Variants in BFSP2 observed in about 807,000 individuals in gnomAD.
BFSP2 encodes phakinin.
In BFSP2, 38 loss-of-function variants were observed where a neutral mutation model predicts 44.9. That is an observed-to-expected ratio of 0.85 (90% CI 0.65 to 1.11). BFSP2 has a LOEUF of 1.11. Ranked by LOEUF, BFSP2 falls within the 50% of genes least tolerant of loss-of-function variation. BFSP2 has a pLI of 0.00. For synonymous variants in BFSP2, 197 were observed against 209.9 expected, an observed-to-expected ratio of 0.94 and a Z score of 0.53; for missense variants, 525 against 533.0, an observed-to-expected ratio of 0.99 and a Z score of 0.15.
At chr3:133,462,215 C>T (rs994408299) in intron 4 of BFSP2, among the ~76,000 whole-genome samples, 6 of 151,564 alleles carry the variant, frequency 4.0e-5, no homozygotes, top group Non-Finnish European at 5.9e-5. Flanking sequence ...AGATAACTAA[C>T]CTACAGTTTC....
chr3:133,444,563 G>A (rs1254329231), intron 1 of BFSP2, among the ~76,000 whole-genome samples: 1 of 152,126 alleles, frequency 6.6e-6, no homozygotes, highest in Non-Finnish European at 1.5e-5. Flanking sequence ...GGGGTGGGCT[G>A]TGACTCAGAT....
chr3:133,443,870 T>A (rs920653545), intron 1 of BFSP2, among the ~76,000 whole-genome samples: 1 of 152,152 alleles, frequency 6.6e-6, no homozygotes, highest in African/African-American at 2.4e-5. Context: ...ATTGTACCCT[T>A]GGGCCCAAAT....
At chr3:133,422,264 C>T (rs1320791923) in intron 1 of BFSP2, among the ~76,000 whole-genome samples, 1 of 152,144 alleles carries the variant, frequency 6.6e-6, no homozygotes, top group Non-Finnish European at 1.5e-5. Context: ...GGACAAGTTA[C>T]TCCACCTCTC....
Position 133,472,517 on chromosome 3 carries a change from A to C in BFSP2, c.1196A>C (p.Gln399Pro), listed in dbSNP as rs1270097475. The C allele has an allele frequency of 6.2e-7, 1 of 1,612,932 alleles. No homozygotes were observed. Among genetic ancestry groups the C allele is most frequent in the African/African-American group, 1.3e-5 (1 of 74,924 alleles). The change falls in exon 6 of 7, where the codon CAG becomes CCG. Residue 399 changes from glutamine (Q) to proline (P), a missense_variant. By Grantham distance (76) the Gln-to-Pro change is moderately conservative. Coordinates refer to ENST00000302334, the MANE Select transcript of BFSP2 (RefSeq NM_003571.4). ...AHLLARKCQL[Q>P]KDVASYHALL... ...CTGCTGGCCCGCAAGTGCCAGCTGC[A>C]GAAGGACGTGGCGTCCTACCACGCC...
Position 133,466,615 on chromosome 3 carries a change from T to C in BFSP2, c.892-213T>C, listed in dbSNP as rs148880736. ...GCTTGAACCCAGGAGGAGGAAGTTG[T>C]GGTGAGCTGAGATCGCACCACTGCA... is the stretch of plus-strand genomic sequence containing the variant. On this transcript the variant is annotated intron_variant, in intron 4 of 6. Coordinates refer to ENST00000302334, the MANE Select transcript of BFSP2 (RefSeq NM_003571.4). 3.7e-3 allele frequency among the ~76,000 whole-genome samples: 477 copies of C among 129,904 alleles called. 4 individuals are homozygous for C. The highest frequency in any genetic ancestry group is 0.013 in the African/African-American group (455 of 33,952). The allele number at this position is 129,904 out of a possible 152,430, so 85.2% of individuals were successfully genotyped here.
intron 4 of BFSP2, among the ~76,000 whole-genome samples, chr3:133,466,427 C>T (rs1407589852): frequency 6.6e-6 from 1 of 151,824 alleles, no homozygotes; most frequent in Non-Finnish European, 1.5e-5. Context: ...CGCCTGTAAT[C>T]CTAGCACTTT....
chr3:133,453,429 A>G (rs2107929165), intron 4 of BFSP2, among the ~76,000 whole-genome samples: 1 of 152,368 alleles, frequency 6.6e-6, no homozygotes, highest in African/African-American at 2.4e-5. Flanking sequence ...AGATCCTGAA[A>G]CAAATATTGG....
intron 4 of BFSP2, chr3:133,455,369 G>A (rs2074004437): frequency 6.6e-6 from 1 of 152,200 alleles, no homozygotes; most frequent in Admixed American, 6.5e-5. Flanking sequence ...TCGGGTTCTT[G>A]GCATCGTTCA....
At chr3:133,429,883 C>A (rs1233356138) in intron 1 of BFSP2, among the ~76,000 whole-genome samples, 1 of 151,542 alleles carries the variant, frequency 6.6e-6, no homozygotes, top group African/African-American at 2.4e-5. Flanking sequence ...TTAGGTATAT[C>A]TCCTAATGCT....
intron 4 of BFSP2, among the ~76,000 whole-genome samples, chr3:133,460,624 C>T (rs750147636): frequency 2.6e-5 from 4 of 152,110 alleles, no homozygotes; most frequent in Non-Finnish European, 4.4e-5. Flanking sequence ...CCTTTGTCCC[C>T]GGGGGGCTAA....
At chr3:133,460,520 A>C (rs1170563915) in intron 4 of BFSP2, among the ~76,000 whole-genome samples, 1 of 152,188 alleles carries the variant, frequency 6.6e-6, no homozygotes, top group Non-Finnish European at 1.5e-5. Flanking sequence ...GGCCTCCCAA[A>C]GTGCTGGGAT....
At chr3:133,414,650 CTG>C (rs1188997471) in intron 1 of BFSP2, among the ~76,000 whole-genome samples, 2 of 140,106 alleles carry the variant, frequency 1.4e-5, no homozygotes, top group Non-Finnish European at 3.1e-5. Flanking sequence ...CTACTCACCG[CTG>C]TCTCACTCCC....
rs534254115 is a variant in BFSP2, at chr3:133,441,039, C to CTTTT, written c.490-6262_490-6259dup. 9.4e-5 allele frequency among the ~76,000 whole-genome samples: 12 copies of CTTTT among 127,296 alleles called. 1 individual carries two copies. The highest frequency in any genetic ancestry group is 3.0e-4 in the African/African-American group (10 of 33,854). The allele number at this position is 127,296 out of a possible 152,430, so 83.5% of individuals were successfully genotyped here. On this transcript the variant is annotated intron_variant, in intron 1 of 6. Transcript: ENST00000302334. ...CCCTAAATTCACTTTCAGATGCAAT[C>CTTTT]TTTTTTTTTTTTTTTTTTTGAGGGA...
intron 1 of BFSP2, among the ~76,000 whole-genome samples, chr3:133,415,230 CT>C: frequency 2.6e-5 from 3 of 116,294 alleles, no homozygotes; most frequent in Non-Finnish European, 5.5e-5. Flanking sequence ...CCCCTCACCT[CT>C]GTCCTCTCCC....
intron 1 of BFSP2, among the ~76,000 whole-genome samples, chr3:133,435,719 G>T (rs1576577678): frequency 1.3e-5 from 2 of 152,298 alleles, no homozygotes; most frequent in Admixed American, 1.3e-4. Context: ...TTCAATTAGG[G>T]CATGTACAAG....
chr3:133,429,735 T>TA (rs1264544975), intron 1 of BFSP2: 4 of 142,860 alleles, frequency 2.8e-5, no homozygotes, highest in African/African-American at 1.1e-4. Flanking sequence ...AATTAAGAGA[T>TA]AAAAATACAA....
chr3:133,458,239 G>T (rs1408317786), intron 4 of BFSP2, among the ~76,000 whole-genome samples: 3 of 152,150 alleles, frequency 2.0e-5, no homozygotes, highest in Admixed American at 6.5e-5. Flanking sequence ...TGCCCATTTG[G>T]GTTACTGTAG....
chr3:133,403,803 C>T (rs1030882186), intron 1 of BFSP2, among the ~76,000 whole-genome samples: 1 of 152,130 alleles, frequency 6.6e-6, no homozygotes, highest in African/African-American at 2.4e-5. Flanking sequence ...CCCCTGGAAT[C>T]TCCCCACAGC....
intron 4 of BFSP2, among the ~76,000 whole-genome samples, chr3:133,466,088 G>A (rs34763711): frequency 0.35 from 52,552 of 151,822 alleles, 10,157 homozygotes; most frequent in East Asian, 0.59. Context: ...AAGTAGTGGC[G>A]AAAACTGCAA....
Sources: gnomAD v4.1 joint callset for allele counts (sites outside exome capture counted in the v4.1 genomes callset) on GRCh38, gnomAD v4.1.1 for gene constraint, MANE v1.5 for transcripts, NCBI Gene and HGNC (gene_info 2026-07-23, HGNC 2026-07-21) for gene names.